The following IL2RA variants were observed in gnomAD, a reference collection of about 807,000 sequenced individuals.
IL2RA encodes the protein interleukin-2 receptor subunit alpha.
Under a neutral mutation model 37.8 loss-of-function variants are expected in IL2RA, and 24 were observed. The observed-to-expected ratio is 0.63, with a 90% CI of 0.46 to 0.89. The LOEUF is 0.89. Ranked by LOEUF, IL2RA falls within the 40% of genes least tolerant of loss-of-function variation. The pLI is 0.00. For missense variants in IL2RA, 319 were observed against 348.6 expected (o/e 0.92, Z 0.68); for synonymous variants, 125 against 114.6 (o/e 1.09, Z -0.58).
At position 6,020,974 on chromosome 10, in the gene IL2RA, G is replaced by A. The variant is rs12722584; in HGVS notation, c.583+504C>T. Among the ~76,000 whole-genome samples the A allele has an allele frequency of 0.047, 7,107 of 152,042 alleles. 242 individuals are homozygous for A. Among genetic ancestry groups the A allele is most frequent in the Non-Finnish European group, 0.074 (5,011 of 67,978 alleles). The stretch of plus-strand genomic sequence containing the variant: ...GTGTGCGCGCATGTGCACTGAGTAA[G>A]TCCCGACTCTGCACATTTTATGTTT... On this transcript the variant is annotated intron_variant, in intron 4 of 7. Transcript: ENST00000379959. This position sits in a 1 kb window ranked among gnomAD's most constrained non-coding sequence, Gnocchi z 5.6.
Position 6,014,706 on chromosome 10 carries a change from G to T in IL2RA, c.795-1810C>A, listed in dbSNP as rs1224890055. ...CCTTCCCCTCCTGGAAGCCTAAAAT[G>T]ACACCTTAGGAGTCAGCTAACCCCT... On this transcript the variant is annotated intron_variant, in intron 7 of 7. Coordinates refer to ENST00000379959, the MANE Select transcript of IL2RA (RefSeq NM_000417.3). The surrounding 1 kb of genome is among the most constrained non-coding windows in gnomAD (Gnocchi z 4.4). 1.3e-5 allele frequency among the ~76,000 whole-genome samples: 2 copies of T among 152,164 alleles called. No individual in the cohort carries two copies. The highest frequency in any genetic ancestry group is 4.8e-5 in the African/African-American group (2 of 41,436).
In IL2RA at chr10:6,028,926, G is replaced by A. The variant is rs1223601631; in HGVS notation, c.65-2901C>T. Reference sequence around the variant, plus strand: ...AGGCAGGAGAATTGCTTGAGCCTGGGAGGTGGAGGTTGCAGTCAGCCGAGC... The same window carrying A: ...AGGCAGGAGAATTGCTTGAGCCTGGAAGGTGGAGGTTGCAGTCAGCCGAGC... On this transcript the variant is annotated intron_variant, in intron 1 of 7. Transcript: ENST00000379959. The surrounding 1 kb of genome is among the most constrained non-coding windows in gnomAD (Gnocchi z 4.1). Among the ~76,000 whole-genome samples the A allele has an allele frequency of 6.6e-6, 1 of 151,140 alleles. No homozygotes were observed. Among genetic ancestry groups the A allele is most frequent in the African/African-American group, 2.4e-5 (1 of 41,034 alleles).
rs988706829 is a variant in IL2RA at position 6,029,281 on chromosome 10, C to T, written c.65-3256G>A. On this transcript the variant is annotated intron_variant, in intron 1 of 7. Coordinates refer to ENST00000379959, the MANE Select transcript of IL2RA (RefSeq NM_000417.3). The surrounding 1 kb of genome is among the most constrained non-coding windows in gnomAD (Gnocchi z 4.6). ...CCGGGTTCAAGCGATTCTCCTGCCT[C>T]AGCCTCCCAAGTAGCTGGGATTATA... 3.3e-5 allele frequency among the ~76,000 whole-genome samples: 5 copies of T among 150,752 alleles called. No individual in the cohort carries two copies. Among genetic ancestry groups the T allele is most frequent in the Non-Finnish European group, 7.4e-5 (5 of 67,828 alleles).
At chr10:6,031,010 G>A (rs1839566276) in intron 1 of IL2RA, among the ~76,000 whole-genome samples, 1 of 151,992 alleles carries the variant, frequency 6.6e-6, no homozygotes, top group Admixed American at 6.6e-5. Flanking sequence ...TATTAAATTT[G>A]TTTGGTTAGC....
chr10:6,020,837 T>G lies in IL2RA; in HGVS notation c.583+641A>C, dbSNP rs1839372773. ...TGTGAGCCACTGTGCCCAGCCTGCA[T>G]GTAAGTCACTTTTGATTGTCGTGAT... is the stretch of plus-strand genomic sequence containing the variant. On this transcript the variant is annotated intron_variant, in intron 4 of 7. Transcript: ENST00000379959. This position sits in a 1 kb window ranked among gnomAD's most constrained non-coding sequence, Gnocchi z 5.6. Among the ~76,000 whole-genome samples the G allele has an allele frequency of 6.6e-6, 1 of 152,170 alleles. No individual in the cohort carries two copies. Among genetic ancestry groups the G allele is most frequent in the Non-Finnish European group, 1.5e-5 (1 of 68,030 alleles).
Position 6,047,371 on chromosome 10 carries a change from C to T in IL2RA, c.64+14717G>A, listed in dbSNP as rs1393394604. Among the ~76,000 whole-genome samples, 1 of 152,218 alleles carries T rather than the reference C, an allele frequency of 6.6e-6. No homozygotes were observed. Among genetic ancestry groups the T allele is most frequent in the African/African-American group, 2.4e-5 (1 of 41,450 alleles). On this transcript the variant is annotated intron_variant, in intron 1 of 7. Coordinates refer to ENST00000379959, the MANE Select transcript of IL2RA (RefSeq NM_000417.3). The surrounding 1 kb of genome is among the most constrained non-coding windows in gnomAD (Gnocchi z 5.0). ...CACTAGAATGGCAAAGGCTGGTTGT[C>T]ACCTGGGGGCCTCAGAAGCCACGGC...
rs372481445 is a variant in IL2RA, at chr10:6,025,865, G to C, written c.225C>G (p.Ser75=). 11 of 1,614,112 alleles carry C rather than the reference G, an allele frequency of 6.8e-6. No individual in the cohort carries two copies. In the Admixed American group the frequency reaches 8.3e-5, roughly 12 times the overall value. ...MLCTGNSSHS[S]WDNQCQCTSS... The stretch of plus-strand genomic sequence containing the variant: ...TTGTGCATTGACATTGGTTGTCCCA[G>C]GACGAGTGGCTAGAGTTTCCTGTAC... The change falls in exon 2 of 8, where the codon TCC becomes TCG. Residue 75 remains serine, a synonymous_variant. Coordinates refer to ENST00000379959, the MANE Select transcript of IL2RA (RefSeq NM_000417.3). The surrounding 1 kb of genome is among the most constrained non-coding windows in gnomAD (Gnocchi z 4.4).
chr10:6,030,330 C>G (rs10905641), intron 1 of IL2RA, among the ~76,000 whole-genome samples: 1 of 151,878 alleles, frequency 6.6e-6, no homozygotes, highest in Admixed American at 6.5e-5. Context: ...AAAGAAAAGC[C>G]CATCTATATA....
rs1224017817 is a variant in IL2RA, at chr10:6,028,587, C to A, written c.65-2562G>T. On this transcript the variant is annotated intron_variant, in intron 1 of 7. Coordinates refer to ENST00000379959, the MANE Select transcript of IL2RA (RefSeq NM_000417.3). The surrounding 1 kb of genome is among the most constrained non-coding windows in gnomAD (Gnocchi z 4.1). The stretch of plus-strand genomic sequence containing the variant: ...ACCTTTTAAAGGACCATAAGATAAT[C>A]TAGACCCTTTATAATGTATAGCTCA... Among the ~76,000 whole-genome samples, 1 of 152,168 alleles carries A rather than the reference C, an allele frequency of 6.6e-6. No homozygotes were observed. Among genetic ancestry groups the A allele is most frequent in the Non-Finnish European group, 1.5e-5 (1 of 68,036 alleles).
rs12722582 is a variant in IL2RA, at chr10:6,022,599, G to A, written c.368-906C>T. On this transcript the variant is annotated intron_variant, in intron 3 of 7. Coordinates refer to ENST00000379959, the MANE Select transcript of IL2RA (RefSeq NM_000417.3). This position sits in a 1 kb window ranked among gnomAD's most constrained non-coding sequence, Gnocchi z 4.7. ...TCCTCCAGAGCCTCTTCCCCAGCAG[G>A]AAGCTGGGTGGCCCTGTCCCAGGCT... Among the ~76,000 whole-genome samples the A allele has an allele frequency of 0.028, 4,251 of 152,314 alleles. 99 individuals carry two copies. Among genetic ancestry groups the A allele is most frequent in the Middle Eastern group, 0.078 (23 of 294 alleles).
Position 6,062,258 on chromosome 10 carries a change from T to C in IL2RA, c.-107A>G. On this transcript the variant is annotated 5_prime_UTR_variant, in exon 1 of 8. Transcript: ENST00000379959. ...TGGCATCGCGCCGGAGGATGTGGGA[T>C]GGGAAGATCGGTCCGCCTGGGCTGT... The C allele has an allele frequency of 1.1e-6, 1 of 936,672 alleles. No homozygotes were observed. The highest frequency in any genetic ancestry group is 1.7e-6 in the Non-Finnish European group (1 of 577,720). 58.0% of individuals were successfully genotyped at this position (936,672 alleles called of 1,614,324 possible).
At position 6,018,043 on chromosome 10, in the gene IL2RA, C is replaced by G. The variant is rs2132848057; in HGVS notation, c.794+10G>C. ...CTGACCAAGGGCTGCCTTGGTGATG[C>G]CACACTTACTGTCTCCGCTGCCAGG... On this transcript the variant is annotated intron_variant, in intron 7 of 7. Coordinates refer to ENST00000379959, the MANE Select transcript of IL2RA (RefSeq NM_000417.3). This position sits in a 1 kb window ranked among gnomAD's most constrained non-coding sequence, Gnocchi z 5.1. The G allele has an allele frequency of 6.2e-7, 1 of 1,612,716 alleles. No individual in the cohort carries two copies. The highest frequency in any genetic ancestry group is 8.5e-7 in the Non-Finnish European group (1 of 1,178,996).
Position 6,055,538 on chromosome 10 carries a change from A to G in IL2RA, c.64+6550T>C, listed in dbSNP as rs1840030063. ...GTTGGGGGTAAGGTCACAGATCAAC[A>G]GGATCCCAAGGCAGAGGAATTTTTC... On this transcript the variant is annotated intron_variant, in intron 1 of 7. Transcript: ENST00000379959. 8.9e-5 allele frequency among the ~76,000 whole-genome samples: 2 copies of G among 22,358 alleles called. 1 individual carries two copies. Among genetic ancestry groups the G allele is most frequent in the Non-Finnish European group, 4.3e-4 (2 of 4,664 alleles). 14.7% of individuals were successfully genotyped at this position (22,358 alleles called of 152,430 possible).
chr10:6,049,841 C>T (rs1042338698), intron 1 of IL2RA, among the ~76,000 whole-genome samples: 1 of 152,212 alleles, frequency 6.6e-6, no homozygotes, highest in African/African-American at 2.4e-5. Flanking sequence ...CTTTTCCATT[C>T]TCTCAAGACG....
intron 1 of IL2RA, among the ~76,000 whole-genome samples, chr10:6,052,817 C>T (rs1045894387): frequency 3.9e-5 from 6 of 152,252 alleles, no homozygotes; most frequent in East Asian, 1.9e-4. Flanking sequence ...GACTCACGCC[C>T]GGAGGTGCTC....
At chr10:6,043,730 G>T (rs188213518) in intron 1 of IL2RA, among the ~76,000 whole-genome samples, 1 of 152,134 alleles carries the variant, frequency 6.6e-6, no homozygotes, top group African/African-American at 2.4e-5. Flanking sequence ...CAGCCATCAC[G>T]CACGACAAGA....
intron 1 of IL2RA, among the ~76,000 whole-genome samples, chr10:6,051,836 T>G (rs1284646686): frequency 0.026 from 3,183 of 121,446 alleles, 617 homozygotes; most frequent in East Asian, 0.25. Context: ...TATATATATA[T>G]ATATATAGAA....
chr10:6,032,206 T>C (rs1839606221), intron 1 of IL2RA, among the ~76,000 whole-genome samples: 1 of 152,054 alleles, frequency 6.6e-6, no homozygotes, highest in African/African-American at 2.4e-5. Context: ...TATATAAAGA[T>C]AAAGATCTAT....
chr10:6,045,599 G>A (rs1012425533), intron 1 of IL2RA, among the ~76,000 whole-genome samples: 1 of 152,070 alleles, frequency 6.6e-6, no homozygotes, highest in East Asian at 1.9e-4. Flanking sequence ...TTAAAAGGGG[G>A]AAGTAGAAAC....
Sources: allele counts gnomAD v4.1 joint callset (sites outside exome capture counted in the v4.1 genomes callset), GRCh38; gene constraint gnomAD v4.1.1; non-coding constraint Gnocchi (gnomAD v3.1); transcripts MANE v1.5; gene names NCBI Gene and HGNC (gene_info 2026-07-23, HGNC 2026-07-21).